The following GDAP1 variants were observed in gnomAD, a reference collection of about 807,000 sequenced individuals.
The protein encoded by GDAP1 is ganglioside induced differentiation associated protein 1.
GDAP1 carries 34 observed loss-of-function variants against 40.1 expected under a neutral mutation model. The ratio of observed to expected loss-of-function variants is 0.85; its 90% CI spans 0.64 to 1.13. The LOEUF is 1.13. Ranked by LOEUF, GDAP1 falls within the 50% of genes most tolerant of loss-of-function variation. The pLI, the probability that GDAP1 is intolerant of heterozygous loss-of-function variation, is 0.00. For synonymous variants in GDAP1, 170 were observed against 157.4 expected, an observed-to-expected ratio of 1.08 and a Z score of -0.60; for missense variants, 374 against 433.7, an observed-to-expected ratio of 0.86 and a Z score of 1.22.
intron 2 of GDAP1, among the ~76,000 whole-genome samples, chr8:74,422,285 T>TTTTCTTTCTTTCTTTCTTTCTTTC (rs556852017): frequency 2.2e-4 from 19 of 87,738 alleles, no homozygotes; most frequent in East Asian, 3.8e-4. Context: ...TTCTTTTTTC[T>TTTTCTTTCTTTCTTTCTTTCTTTC]TTTCTTTCTT....
intron 2 of GDAP1, among the ~76,000 whole-genome samples, chr8:74,435,118 G>A (rs983464227): frequency 4.6e-5 from 7 of 152,002 alleles, no homozygotes; most frequent in African/African-American, 7.2e-5. Context: ...AAAATAAATC[G>A]GCAAACCACT....
intron 2 of GDAP1, among the ~76,000 whole-genome samples, chr8:74,472,220 G>C (rs1806566572): frequency 1.3e-5 from 2 of 152,148 alleles, no homozygotes. Context: ...AGTTTGCTGA[G>C]GATAATGGCT....
At chr8:74,370,793 G>A (rs115254550), downstream of GDAP1, among the ~76,000 whole-genome samples, 142 of 152,266 alleles carry the variant, frequency 9.3e-4, no homozygotes, top group African/African-American at 3.3e-3. Flanking sequence ...TATGGAAAGC[G>A]ATATACCAGG....
chr8:74,362,091 G>A (rs1809396720), intron 4 of GDAP1, 113 bp downstream of exon 4: 27 of 706,420 alleles, frequency 3.8e-5, no homozygotes, highest in South Asian at 3.1e-4. Flanking sequence ...CAGTTCACCA[G>A]TACACATGTT....
At chr8:74,356,692 T>TTTG (rs1809111241) in intron 2 of GDAP1, among the ~76,000 whole-genome samples, 25 of 95,308 alleles carry the variant, frequency 2.6e-4, no homozygotes, top group African/African-American at 4.0e-4. Context: ...GTGTGTGTGT[T>TTTG]TGTGTGTGTG....
intron 2 of GDAP1, among the ~76,000 whole-genome samples, chr8:74,425,013 TCTC>T (rs1805929499): frequency 6.6e-6 from 1 of 152,174 alleles, no homozygotes; most frequent in South Asian, 2.1e-4. Flanking sequence ...CTTGGATCCT[TCTC>T]CTTTTGAGGG....
At chr8:74,403,984 A>G (rs905321422) in intron 2 of GDAP1, among the ~76,000 whole-genome samples, 3 of 150,166 alleles carry the variant, frequency 2.0e-5, no homozygotes, top group South Asian at 2.1e-4. Flanking sequence ...AGATCATAGG[A>G]TAGTATTTTG....
intron 2 of GDAP1, among the ~76,000 whole-genome samples, chr8:74,352,975 C>G (rs1808949175): frequency 1.3e-5 from 2 of 152,126 alleles, no homozygotes; most frequent in Admixed American, 1.3e-4. Context: ...CATTCCCCTC[C>G]TCCATCCCCT....
chr8:74,470,934 A>G (rs183579234), intron 2 of GDAP1, among the ~76,000 whole-genome samples: 1 of 152,258 alleles, frequency 6.6e-6, no homozygotes, highest in Admixed American at 6.5e-5. Flanking sequence ...CTTTTTAATG[A>G]TCGCCATTCT....
chr8:74,472,079 T>C (rs550352776), intron 2 of GDAP1, among the ~76,000 whole-genome samples: 1 of 152,298 alleles, frequency 6.6e-6, no homozygotes, highest in East Asian at 1.9e-4. Flanking sequence ...TTTCTGATCC[T>C]CTCCCTCCTC....
intron 2 of GDAP1, among the ~76,000 whole-genome samples, chr8:74,412,309 A>G (rs1037050441): frequency 1.3e-5 from 2 of 150,102 alleles, no homozygotes; most frequent in African/African-American, 5.1e-5. Context: ...GATATGAAAG[A>G]TGTGATAAGG....
At chr8:74,377,485 A>G (rs1483501064) in intron 2 of GDAP1, among the ~76,000 whole-genome samples, 1 of 152,214 alleles carries the variant, frequency 6.6e-6, no homozygotes, top group East Asian at 1.9e-4. Flanking sequence ...AATTGGATTC[A>G]GTTGGAAATC....
intron 2 of GDAP1, among the ~76,000 whole-genome samples, chr8:74,454,850 G>T (rs981321698): frequency 4.0e-5 from 6 of 151,178 alleles, no homozygotes; most frequent in African/African-American, 1.5e-4. Context: ...AAGAAGCTGG[G>T]ATAGACATAT....
chr8:74,428,362 G>A (rs1416958167), intron 2 of GDAP1, among the ~76,000 whole-genome samples: 1 of 152,272 alleles, frequency 6.6e-6, no homozygotes, highest in Non-Finnish European at 1.5e-5. Context: ...CAATGGTGGT[G>A]TCCCCGACCA....
At chr8:74,403,402 C>T (rs1805588183) in intron 2 of GDAP1, among the ~76,000 whole-genome samples, 1 of 149,928 alleles carries the variant, frequency 6.7e-6, no homozygotes, top group Admixed American at 6.6e-5. Flanking sequence ...TCTATCCTGT[C>T]AGAGAAAAGC....
rs985641080 is a variant in GDAP1 at position 74,402,540 on chromosome 8, G to A, written c.165+51219G>A. 1.2e-4 allele frequency among the ~76,000 whole-genome samples: 18 copies of A among 150,090 alleles called. 1 individual carries two copies. Among genetic ancestry groups the A allele is most frequent in the East Asian group, 5.8e-4 (3 of 5,184 alleles). On this transcript the variant is annotated intron_variant, in intron 2 of 2. Transcript: ENST00000523640. ...GCAATGCCTCGCCCTGCTTCGGCTC[G>A]CGCATGGTGCGCTGCACCCACTGTC...
intron 3 of GDAP1, 88 bp from the exon 4 acceptor site, chr8:74,361,796 T>A: frequency 1.2e-6 from 1 of 811,342 alleles, no homozygotes; most frequent in Non-Finnish European, 2.2e-6. Flanking sequence ...GAGCTCATGC[T>A]CTTGTCATTG....
In GDAP1 at chr8:74,365,058, A is replaced by T. The variant is rs1043439712; in HGVS notation, c.*691A>T. 1 of 453,924 alleles carries T rather than the reference A, an allele frequency of 2.2e-6. No individual in the cohort carries two copies. The highest frequency in any genetic ancestry group is 4.4e-6 in the Non-Finnish European group (1 of 226,724). The allele number at this position is 453,924 out of a possible 1,614,324, so 28.1% of individuals were successfully genotyped here. ...TGCCTGTGAGATACCATTCCTCTGG[A>T]TGGTCATGTCCAGTCAGTGGGAGGT... On this transcript the variant is annotated 3_prime_UTR_variant, in exon 6 of 6. Transcript: ENST00000220822.
intron 2 of GDAP1, among the ~76,000 whole-genome samples, chr8:74,416,313 C>T (rs1005375128): frequency 5.3e-5 from 8 of 150,074 alleles, no homozygotes; most frequent in South Asian, 2.1e-4. Flanking sequence ...TTGCCTGAGA[C>T]GCCATTGAGC....
Sources: gnomAD v4.1 joint callset for allele counts (sites outside exome capture counted in the v4.1 genomes callset) on GRCh38, gnomAD v4.1.1 for gene constraint, MANE v1.5 for transcripts, NCBI Gene and HGNC (gene_info 2026-07-23, HGNC 2026-07-21) for gene names.